Variants in SLC30A6 observed in about 807,000 individuals in gnomAD.
SLC30A6 encodes zinc transporter 6.
Under a neutral mutation model 63.0 loss-of-function variants are expected in SLC30A6, and 55 were observed. That is an observed-to-expected ratio of 0.87 (90% CI 0.70 to 1.09). The LOEUF (loss-of-function observed/expected upper bound fraction) is 1.09. Among genes scored for constraint, SLC30A6 ranks in the 50% least tolerant of loss-of-function variants. The pLI is 0.00. For missense variants in SLC30A6, 587 were observed against 549.2 expected (o/e 1.07, Z -0.69); for synonymous variants, 224 against 186.1 (o/e 1.20, Z -1.66).
At chr2:32,178,243 G>T (rs571226758) in intron 4 of SLC30A6, among the ~76,000 whole-genome samples, 11 of 151,802 alleles carry the variant, frequency 7.2e-5, no homozygotes, top group African/African-American at 2.7e-4. Context: ...CACCGCACCC[G>T]GCCAAGTTAT....
chr2:32,192,362 T>A lies in SLC30A6; in HGVS notation c.311T>A (p.Val104Glu), dbSNP rs1216170723. ...TTTGAAAGATTAGAAGTCCTGGCTG[T>A]ATTTGCCTCCACAGTCTTGGCACAG... ...FGFERLEVLA[V>E]FASTVLAQLG... The change falls in exon 6 of 14, where the codon GTA becomes GAA. Residue 104 changes from valine to glutamate, a missense_variant. Val to Glu is a moderately radical substitution (Grantham distance 121). Coordinates refer to ENST00000282587, the MANE Select transcript of SLC30A6 (RefSeq NM_017964.5). 2.5e-6 allele frequency: 4 copies of A among 1,613,982 alleles called. No homozygotes were observed. In the African/African-American group the frequency reaches 4.0e-5, roughly 16 times the overall value.
rs966054190 is a variant in SLC30A6 at position 32,222,236 on chromosome 2, C to T, written c.*1523C>T. The T allele has an allele frequency of 3.3e-5, 5 of 152,154 alleles. No homozygotes were observed. Among genetic ancestry groups the T allele is most frequent in the African/African-American group, 1.2e-4 (5 of 41,444 alleles). 9.4% of individuals were successfully genotyped at this position (152,154 alleles called of 1,614,324 possible). A position where few individuals can be genotyped will look rare whatever the true frequency, so the allele number is the denominator to read the frequency against. On this transcript the variant is annotated 3_prime_UTR_variant, in exon 14 of 14. Coordinates refer to ENST00000282587, the MANE Select transcript of SLC30A6 (RefSeq NM_017964.5). ...TCCAAAAAGTATAACAAGCAGCAGTCACACATGACCTAGGAGGGTTTTTTA... is the reference window on the plus strand; with the variant it reads ...TCCAAAAAGTATAACAAGCAGCAGTTACACATGACCTAGGAGGGTTTTTTA...
chr2:32,204,117 T>G (rs1164309677), intron 10 of SLC30A6: 8 of 399,946 alleles, frequency 2.0e-5, no homozygotes, highest in Admixed American at 4.0e-5. Context: ...GCAAATAAAT[T>G]GGTCATATTT....
chr2:32,209,129 C>CA (rs1193669877), intron 12 of SLC30A6, among the ~76,000 whole-genome samples: 1 of 151,946 alleles, frequency 6.6e-6, no homozygotes, highest in Non-Finnish European at 1.5e-5. Flanking sequence ...ATTGAGAAAA[C>CA]AAAAAAATTA....
intron 10 of SLC30A6, among the ~76,000 whole-genome samples, chr2:32,204,334 A>AT (rs1315273247): frequency 1.3e-5 from 2 of 152,006 alleles, no homozygotes; most frequent in African/African-American, 2.4e-5. Flanking sequence ...AAATGTCCAC[A>AT]TTTTTTTTCA....
At chr2:32,210,078 A>G (rs1266609042) in intron 13 of SLC30A6, among the ~76,000 whole-genome samples, 2 of 152,242 alleles carry the variant, frequency 1.3e-5, no homozygotes, top group Admixed American at 6.5e-5. Context: ...TCAATACCAG[A>G]GAGACTTTAT....
At chr2:32,178,382 C>A (rs1028397022) in intron 4 of SLC30A6, among the ~76,000 whole-genome samples, 7 of 152,062 alleles carry the variant, frequency 4.6e-5, no homozygotes, top group African/African-American at 9.7e-5. Context: ...TTGTCAAAAA[C>A]CAGTTCACGG....
chr2:32,166,860 T>C (rs1208660524), intron 1 of SLC30A6, among the ~76,000 whole-genome samples: 1 of 152,226 alleles, frequency 6.6e-6, no homozygotes, highest in African/African-American at 2.4e-5. Flanking sequence ...TTTACACTTT[T>C]TGGCTAATGA....
At chr2:32,215,474 C>T (rs1415904163) in intron 13 of SLC30A6, among the ~76,000 whole-genome samples, 2 of 149,126 alleles carry the variant, frequency 1.3e-5, no homozygotes, top group Non-Finnish European at 1.5e-5. Flanking sequence ...GGATTACAGG[C>T]ATGAGCTACC....
intron 2 of SLC30A6, among the ~76,000 whole-genome samples, chr2:32,172,556 C>G (rs962460408): frequency 3.9e-5 from 6 of 152,000 alleles, no homozygotes; most frequent in African/African-American, 1.2e-4. Flanking sequence ...TTTGTGCTCC[C>G]CTTCCCTCTG....
At chr2:32,197,851 G>A in intron 10 of SLC30A6, 25 bp downstream of exon 10, 4 of 1,611,512 alleles carry the variant, frequency 2.5e-6, no homozygotes, top group Non-Finnish European at 3.4e-6. Flanking sequence ...TTGTTGTCAA[G>A]TATGTTTTGA....
At chr2:32,188,685 A>G (rs1245562749) in intron 5 of SLC30A6, among the ~76,000 whole-genome samples, 1 of 152,202 alleles carries the variant, frequency 6.6e-6, no homozygotes, top group South Asian at 2.1e-4. Flanking sequence ...CAAAAAATAA[A>G]AAATAAAAAG....
chr2:32,220,116 A>G, intron 13 of SLC30A6, 97 bp from the exon 14 acceptor site: 29 of 1,383,022 alleles, frequency 2.1e-5, no homozygotes, highest in Non-Finnish European at 2.7e-5. Context: ...AGAAAATGCC[A>G]GGAACTTACC....
intron 4 of SLC30A6, among the ~76,000 whole-genome samples, chr2:32,179,566 C>T (rs1682098108): frequency 6.6e-6 from 1 of 152,224 alleles, no homozygotes; most frequent in South Asian, 2.1e-4. Context: ...CAGATGAAAC[C>T]GATCCTGCTG....
At chr2:32,167,382 C>CTTTTTT (rs11293465) in intron 1 of SLC30A6, among the ~76,000 whole-genome samples, 1 of 132,538 alleles carries the variant, frequency 7.5e-6, no homozygotes, top group Non-Finnish European at 1.6e-5. Context: ...GCCACAAACT[C>CTTTTTT]TTTTTTTTTT....
intron 4 of SLC30A6, among the ~76,000 whole-genome samples, chr2:32,181,202 G>A (rs975815190): frequency 6.6e-6 from 1 of 152,094 alleles, no homozygotes; most frequent in Admixed American, 6.5e-5. Context: ...TAATAAATGG[G>A]TACTGATTTT....
intron 4 of SLC30A6, among the ~76,000 whole-genome samples, chr2:32,178,517 A>G (rs1324437357): frequency 1.3e-5 from 2 of 152,086 alleles, no homozygotes; most frequent in African/African-American, 4.8e-5. Context: ...CTACTAAAAT[A>G]CAAAAATGAG....
At chr2:32,182,037 G>A (rs915846334) in intron 4 of SLC30A6, among the ~76,000 whole-genome samples, 1 of 149,612 alleles carries the variant, frequency 6.7e-6, no homozygotes, top group East Asian at 2.0e-4. Context: ...GGGCTTAGGC[G>A]ATCCTCCTAC....
chr2:32,189,710 G>GTGGC (rs780075483), intron 5 of SLC30A6, among the ~76,000 whole-genome samples: 10 of 144,256 alleles, frequency 6.9e-5, no homozygotes, highest in Non-Finnish European at 1.3e-4. Flanking sequence ...CTGGGCTCAA[G>GTGGC]TGGCTCTCCT....
Sources: gnomAD v4.1 joint callset for allele counts (sites outside exome capture counted in the v4.1 genomes callset) on GRCh38, gnomAD v4.1.1 for gene constraint, MANE v1.5 for transcripts, NCBI Gene and HGNC (gene_info 2026-07-23, HGNC 2026-07-21) for gene names.